RPTOR: variants seen among roughly 807,000 people sequenced by gnomAD.
RPTOR encodes the protein regulatory-associated protein of mTOR.
A neutral mutation model predicts 169.9 loss-of-function variants in RPTOR; 21 were observed. The ratio of observed to expected loss-of-function variants is 0.12; its 90% confidence interval spans 0.09 to 0.18. RPTOR has a LOEUF of 0.18. Among genes scored for constraint, RPTOR ranks in the 10% least tolerant of loss-of-function variants. RPTOR has a pLI of 1.00. For synonymous variants in RPTOR, 732 were observed against 753.2 expected (o/e 0.97, Z 0.46); for missense variants, 1,133 against 1,855.9 (o/e 0.61, Z 7.16).
chr17:80,690,326 A>AACACAC (rs752133550), intron 3 of RPTOR, among the ~76,000 whole-genome samples: 38 of 124,108 alleles, frequency 3.1e-4, no homozygotes, highest in East Asian at 8.1e-4. Flanking sequence ...TATGCTTCTA[A>AACACAC]ACACACACAC....
intron 3 of RPTOR, among the ~76,000 whole-genome samples, chr17:80,674,787 CAAAAAAAAAAAAAAAAAAAAAAAAAA>C (rs9319608): frequency 2.2e-5 from 2 of 89,976 alleles, no homozygotes; most frequent in African/African-American, 8.2e-5. Context: ...GACTCTGTCT[CAAAAAAAAAAAAAAAAAAAAAAAAAA>C]AAAAAAAAAA....
At position 80,600,822 on chromosome 17, in the gene RPTOR, C is replaced by T. The variant is rs561333565; in HGVS notation, c.163-24869C>T. Among the ~76,000 whole-genome samples, 6 of 151,964 alleles carry T rather than the reference C, an allele frequency of 3.9e-5. No individual in the cohort carries two copies. The South Asian group carries it at 1.3e-3, about 32-fold the overall frequency. ...GGCCAGAGGATGGACAGTGGCAGAT[C>T]GTATTTTCCAGAGATGACCGCAGCA... On this transcript the variant is annotated intron_variant, in intron 1 of 33. Transcript: ENST00000306801.
chr17:80,864,331 G>C (rs4969223), intron 13 of RPTOR, among the ~76,000 whole-genome samples: 18 of 109,134 alleles, frequency 1.6e-4, no homozygotes, highest in Non-Finnish European at 2.4e-4. Context: ...AGTGACGGCA[G>C]GTTTCTTCTT....
At chr17:80,919,093 C>T (rs577950358) in intron 21 of RPTOR, among the ~76,000 whole-genome samples, 2 of 152,342 alleles carry the variant, frequency 1.3e-5, no homozygotes, top group South Asian at 2.1e-4. Flanking sequence ...ACCGTGGCCC[C>T]AAGTGAAATT....
At position 80,887,962 on chromosome 17, in the gene RPTOR, G is replaced by A. The variant is rs943393861; in HGVS notation, c.1983+2814G>A. 2.0e-5 allele frequency among the ~76,000 whole-genome samples: 3 copies of A among 152,196 alleles called. No individual in the cohort carries two copies. The South Asian group carries it at 6.2e-4, about 32-fold the overall frequency. On this transcript the variant is annotated intron_variant, in intron 17 of 33. Coordinates refer to ENST00000306801, the MANE Select transcript of RPTOR (RefSeq NM_020761.3). ...AAGAAGGGCCAGGCCAGGGGTGCGGGGCTAGAACCCCCAGTGTCACCCCAG... is the reference window on the plus strand; with the variant it reads ...AAGAAGGGCCAGGCCAGGGGTGCGGAGCTAGAACCCCCAGTGTCACCCCAG...
chr17:80,827,973 G>A (rs2067462845), intron 9 of RPTOR, among the ~76,000 whole-genome samples: 1 of 152,320 alleles, frequency 6.6e-6, no homozygotes, highest in East Asian at 1.9e-4. Flanking sequence ...TAGCCGTCTA[G>A]TGCCAGCCTG....
chr17:80,807,585 C>A (rs1045589546), intron 7 of RPTOR, among the ~76,000 whole-genome samples: 1 of 152,180 alleles, frequency 6.6e-6, no homozygotes, highest in Admixed American at 6.5e-5. Flanking sequence ...CTCCTGACCT[C>A]AGGTGATCCG....
intron 13 of RPTOR, among the ~76,000 whole-genome samples, chr17:80,874,587 C>T (rs1360910083): frequency 2.0e-5 from 3 of 152,112 alleles, no homozygotes; most frequent in East Asian, 1.9e-4. Flanking sequence ...AGGTCTGAGG[C>T]GGAAAGCTTG....
chr17:80,768,827 G>A (rs756943123), intron 6 of RPTOR, among the ~76,000 whole-genome samples: 8 of 152,006 alleles, frequency 5.3e-5, no homozygotes, highest in East Asian at 1.9e-4. Context: ...GTGCCTAAGC[G>A]TGCTCATGCC....
chr17:80,955,275 A>G (rs1288996745), intron 28 of RPTOR, among the ~76,000 whole-genome samples: 1 of 152,288 alleles, frequency 6.6e-6, no homozygotes, highest in African/African-American at 2.4e-5. Flanking sequence ...CAGGGCCCTC[A>G]GCGCAGCAGT....
intron 2 of RPTOR, among the ~76,000 whole-genome samples, chr17:80,628,945 T>C (rs568526711): frequency 2.8e-4 from 43 of 152,348 alleles, no homozygotes; most frequent in Non-Finnish European, 4.9e-4. Context: ...ACCGCAGCTC[T>C]TCCATGTGTC....
intron 6 of RPTOR, among the ~76,000 whole-genome samples, chr17:80,755,143 A>G (rs1290633210): frequency 6.6e-6 from 1 of 152,144 alleles, no homozygotes; most frequent in African/African-American, 2.4e-5. Context: ...GCCAAGTCCA[A>G]ATTGATCCCA....
At chr17:80,855,262 A>T (rs1567951093) in intron 11 of RPTOR, among the ~76,000 whole-genome samples, 1 of 152,230 alleles carries the variant, frequency 6.6e-6, no homozygotes, top group Non-Finnish European at 1.5e-5. Context: ...TATCTGTGTA[A>T]TAAAGGCATA....
At chr17:80,852,184 C>T (rs916580449) in intron 11 of RPTOR, among the ~76,000 whole-genome samples, 1 of 152,188 alleles carries the variant, frequency 6.6e-6, no homozygotes, top group Non-Finnish European at 1.5e-5. Context: ...AGACGCTTTA[C>T]GGACTCTGCC....
intron 9 of RPTOR, among the ~76,000 whole-genome samples, chr17:80,834,400 C>T (rs980943480): frequency 2.0e-5 from 3 of 152,234 alleles, no homozygotes; most frequent in African/African-American, 7.2e-5. Flanking sequence ...CCCCGAGCAG[C>T]CTCCGTGCAT....
At position 80,746,328 on chromosome 17, in the gene RPTOR, C is replaced by A. The variant is rs1223592924; in HGVS notation, c.655-7682C>A. Among the ~76,000 whole-genome samples the A allele has an allele frequency of 6.7e-6, 1 of 148,466 alleles. No homozygotes were observed. Among genetic ancestry groups the A allele is most frequent in the Non-Finnish European group, 1.5e-5 (1 of 66,820 alleles). The stretch of plus-strand genomic sequence containing the variant: ...GATCCCCACCGCCCCCACAGCGGTG[C>A]TTTCTGCGGGTGATCCCCACCGCCC... On this transcript the variant is annotated intron_variant, in intron 5 of 33. Transcript: ENST00000306801. The surrounding 1 kb of genome is among the most constrained non-coding windows in gnomAD (Gnocchi z 4.5).
At chr17:80,652,126 C>T (rs928079062) in intron 3 of RPTOR, among the ~76,000 whole-genome samples, 4 of 151,412 alleles carry the variant, frequency 2.6e-5, no homozygotes, top group Admixed American at 6.6e-5. Context: ...GCCGAGATCA[C>T]GCCACTGCAC....
At chr17:80,684,889 G>A (rs1192842499) in intron 3 of RPTOR, among the ~76,000 whole-genome samples, 1 of 152,162 alleles carries the variant, frequency 6.6e-6, no homozygotes, top group Non-Finnish European at 1.5e-5. Context: ...TTTTTTGAGA[G>A]CTGTATGGCA....
rs753421977 is a variant in RPTOR at position 80,961,587 on chromosome 17, C to T, written c.3692+107C>T. 3.4e-5 allele frequency: 43 copies of T among 1,260,250 alleles called. 1 individual carries two copies. Among genetic ancestry groups the T allele is most frequent in the Middle Eastern group, 5.3e-4 (2 of 3,780 alleles). 78.1% of individuals were successfully genotyped at this position (1,260,250 alleles called of 1,614,324 possible). On this transcript the variant is annotated intron_variant, in intron 31 of 33. Transcript: ENST00000306801. ...AAACAGCTGGAAGGGGATGGCATTT[C>T]GGGCAGTAATTAACTCCTGCCCTGG...
Sources: gnomAD v4.1 joint callset for allele counts (sites outside exome capture counted in the v4.1 genomes callset) on GRCh38, gnomAD v4.1.1 for gene constraint, Gnocchi (gnomAD v3.1) non-coding constraint, MANE v1.5 for transcripts, NCBI Gene and HGNC (gene_info 2026-07-23, HGNC 2026-07-21) for gene names.